APBB2: variants seen among roughly 807,000 people sequenced by gnomAD.
APBB2 encodes the protein Fe65-like 1.
Under a neutral mutation model 82.5 loss-of-function variants are expected in APBB2, and 38 were observed. That is an observed-to-expected ratio of 0.46 (90% CI 0.36 to 0.60). The LOEUF is 0.60. Among genes scored for constraint, APBB2 ranks in the 20% least tolerant of loss-of-function variants. The pLI is 0.00. For synonymous variants in APBB2, 341 were observed against 368.2 expected, an observed-to-expected ratio of 0.93 and a Z score of 0.85; for missense variants, 772 against 972.3, an observed-to-expected ratio of 0.79 and a Z score of 2.74.
chr4:41,094,785 G>A (rs981503428), intron 3 of APBB2, among the ~76,000 whole-genome samples: 7 of 152,194 alleles, frequency 4.6e-5, no homozygotes, highest in Admixed American at 2.0e-4. Context: ...GGCTGGACTC[G>A]AACTCCTAAC....
intron 1 of APBB2, among the ~76,000 whole-genome samples, chr4:41,184,494 C>T (rs1482329712): frequency 6.6e-6 from 1 of 152,214 alleles, no homozygotes; most frequent in African/African-American, 2.4e-5. Context: ...GCTTAGACCA[C>T]TCTGCCCCAG....
chr4:40,887,109 T>G (rs1770544876), intron 12 of APBB2, among the ~76,000 whole-genome samples: 1 of 152,026 alleles, frequency 6.6e-6, no homozygotes, highest in African/African-American at 2.4e-5. Flanking sequence ...CTTGTGCTGT[T>G]CATAGTAAGA....
chr4:41,064,738 A>G (rs1032098644), intron 4 of APBB2, among the ~76,000 whole-genome samples: 1 of 152,240 alleles, frequency 6.6e-6, no homozygotes, highest in African/African-American at 2.4e-5. Flanking sequence ...ATCGAAGGTC[A>G]TCCCTGAGGG....
intron 10 of APBB2, among the ~76,000 whole-genome samples, chr4:40,934,039 G>A (rs552623368): frequency 2.4e-4 from 37 of 152,182 alleles, no homozygotes; most frequent in Non-Finnish European, 4.6e-4. Flanking sequence ...GACAGGAATG[G>A]CAAAGAGATT....
intron 10 of APBB2, among the ~76,000 whole-genome samples, chr4:40,902,834 C>T (rs1197008815): frequency 6.6e-6 from 1 of 152,194 alleles, no homozygotes; most frequent in African/African-American, 2.4e-5. Context: ...CTGGACCCAA[C>T]ACCCAGTTTT....
chr4:41,179,380 T>C (rs1180791603), intron 1 of APBB2, among the ~76,000 whole-genome samples: 4 of 152,216 alleles, frequency 2.6e-5, no homozygotes, highest in Admixed American at 2.0e-4. Flanking sequence ...TTTAAAAATA[T>C]GTATAGATTC....
At position 40,935,143 on chromosome 4, in the gene APBB2, G is replaced by A; in HGVS notation, c.1045-4C>T. The A allele has an allele frequency of 6.6e-7, 1 of 1,516,330 alleles. No individual in the cohort carries two copies. Among genetic ancestry groups the A allele is most frequent in the African/African-American group, 1.4e-5 (1 of 71,582 alleles). The allele number at this position is 1,516,330 out of a possible 1,614,324, so 93.9% of individuals were successfully genotyped here. A position where few individuals can be genotyped will look rare whatever the true frequency, so the allele number is the denominator to read the frequency against. ...CAAAATCACTCCATGGCTGTTTCTA[G>A]ACATATAATTATTCACATAGGAAAA... On this transcript the variant is annotated splice_region_variant and splice_polypyrimidine_tract_variant and intron_variant, in intron 7 of 17. Coordinates refer to ENST00000508593, the MANE Select transcript of APBB2 (RefSeq NM_004307.2).
chr4:41,129,018 C>T (rs751602351), intron 2 of APBB2, among the ~76,000 whole-genome samples: 1 of 152,148 alleles, frequency 6.6e-6, no homozygotes, highest in Non-Finnish European at 1.5e-5. Flanking sequence ...CCATCACACA[C>T]CGTGTCTTTG....
At chr4:41,102,458 A>AGTT (rs1745796316) in intron 2 of APBB2, among the ~76,000 whole-genome samples, 1 of 152,194 alleles carries the variant, frequency 6.6e-6, no homozygotes, top group Admixed American at 6.5e-5. Context: ...TTCTGCTATA[A>AGTT]CGCTTGTGTT....
In APBB2 at chr4:40,812,793, C is replaced by T. The variant is rs1041925084; in HGVS notation, c.*3299G>A. On this transcript the variant is annotated 3_prime_UTR_variant, in exon 18 of 18. Coordinates refer to ENST00000508593, the MANE Select transcript of APBB2 (RefSeq NM_004307.2). Reference sequence around the variant, plus strand: ...CAGTGCCACAGTTTATCACCAAGAACTTATTTTAATGGAAATGGGTCTAAT... The same window carrying T: ...CAGTGCCACAGTTTATCACCAAGAATTTATTTTAATGGAAATGGGTCTAAT... 1 of 152,138 alleles carries T rather than the reference C, an allele frequency of 6.6e-6. No homozygotes were observed. The highest frequency in any genetic ancestry group is 1.5e-5 in the Non-Finnish European group (1 of 68,044). 9.4% of individuals were successfully genotyped at this position (152,138 alleles called of 1,614,324 possible). A position where few individuals can be genotyped will look rare whatever the true frequency, so the allele number is the denominator to read the frequency against.
intron 10 of APBB2, among the ~76,000 whole-genome samples, chr4:40,913,392 T>C (rs1402533314): frequency 1.3e-5 from 2 of 152,210 alleles, no homozygotes; most frequent in Non-Finnish European, 2.9e-5. Flanking sequence ...TCAGAACTAG[T>C]TTGGTACTCT....
chr4:40,964,457 C>A (rs938738671), intron 6 of APBB2, among the ~76,000 whole-genome samples: 1 of 138,884 alleles, frequency 7.2e-6, no homozygotes, highest in African/African-American at 3.0e-5. Flanking sequence ...ATAAACAAAT[C>A]ATTTTTTTCC....
chr4:41,167,454 C>T (rs1049050920), intron 1 of APBB2, among the ~76,000 whole-genome samples: 1 of 152,190 alleles, frequency 6.6e-6, no homozygotes, highest in Non-Finnish European at 1.5e-5. Flanking sequence ...ACGTGAAAGA[C>T]ACTCTCACCA....
chr4:40,901,972 G>C (rs984249225), intron 10 of APBB2, among the ~76,000 whole-genome samples: 4 of 151,270 alleles, frequency 2.6e-5, no homozygotes, highest in African/African-American at 9.8e-5. Flanking sequence ...GCTCTCACCA[G>C]TTTTCTAAAA....
At chr4:40,988,903 T>C (rs1801201299) in intron 6 of APBB2, among the ~76,000 whole-genome samples, 2 of 151,548 alleles carry the variant, frequency 1.3e-5, no homozygotes, top group Non-Finnish European at 2.9e-5. Context: ...GTAGCTGGGA[T>C]TACTGGTATG....
chr4:41,100,848 C>G (rs1030553978), intron 2 of APBB2, 98 bp from the exon 3 acceptor site: 3 of 152,154 alleles, frequency 2.0e-5, no homozygotes, highest in Non-Finnish European at 2.9e-5. Flanking sequence ...TCTGCATCAA[C>G]AAAATAACGA....
intron 6 of APBB2, among the ~76,000 whole-genome samples, chr4:40,986,257 A>G (rs2154407178): frequency 6.6e-6 from 1 of 152,356 alleles, no homozygotes; most frequent in Middle Eastern, 3.4e-3. Flanking sequence ...ACTGTACGTA[A>G]TAAGAGACTA....
chr4:41,148,495 C>T (rs1279191015), intron 1 of APBB2, among the ~76,000 whole-genome samples: 1 of 152,180 alleles, frequency 6.6e-6, no homozygotes, highest in Admixed American at 6.5e-5. Flanking sequence ...ATTCATCCAA[C>T]AAATATTTAC....
chr4:41,102,747 C>T lies in APBB2; in HGVS notation c.-260-1997G>A, dbSNP rs143882585. Among the ~76,000 whole-genome samples, 636 of 152,328 alleles carry T rather than the reference C, an allele frequency of 4.2e-3. 5 individuals carry two copies. The highest frequency in any genetic ancestry group is 0.014 in the African/African-American group (599 of 41,572). ...CTTCACAATAACTCCTAAGTGGCAA[C>T]CCTTCTAAAGCACGAGTTCACAAGC... On this transcript the variant is annotated intron_variant, in intron 2 of 17. Coordinates refer to ENST00000508593, the MANE Select transcript of APBB2 (RefSeq NM_004307.2).
Sources: allele counts gnomAD v4.1 joint callset (sites outside exome capture counted in the v4.1 genomes callset), GRCh38; gene constraint gnomAD v4.1.1; transcripts MANE v1.5; gene names NCBI Gene and HGNC (gene_info 2026-07-23, HGNC 2026-07-21).